The following GSG1L variants were observed in gnomAD, a reference collection of about 807,000 sequenced individuals.
GSG1L encodes the protein germ cell-specific gene 1-like protein.
GSG1L carries 24 observed loss-of-function variants against 42.1 expected under a neutral mutation model. The observed-to-expected ratio is 0.57, with a 90% CI of 0.41 to 0.80. The LOEUF is 0.80. Among genes scored for constraint, GSG1L ranks in the 30% least tolerant of loss-of-function variants. GSG1L has a pLI of 0.00. For synonymous variants in GSG1L, 215 were observed against 203.5 expected (o/e 1.06, Z -0.48); for missense variants, 445 against 472.2 (o/e 0.94, Z 0.53).
At chr16:27,890,928 C>T (rs939307836) in intron 2 of GSG1L, among the ~76,000 whole-genome samples, 2 of 152,118 alleles carry the variant, frequency 1.3e-5, no homozygotes, top group South Asian at 2.1e-4. Context: ...TGTGGAAGTG[C>T]GGCAGACACA....
chr16:27,897,391 TG>T (rs1257285749), intron 2 of GSG1L, among the ~76,000 whole-genome samples: 2 of 152,164 alleles, frequency 1.3e-5, no homozygotes, highest in Non-Finnish European at 2.9e-5. Context: ...CTCCAACTCC[TG>T]GGCTCAAGTG....
At chr16:27,905,279 C>A (rs552679513) in intron 2 of GSG1L, among the ~76,000 whole-genome samples, 1 of 152,048 alleles carries the variant, frequency 6.6e-6, no homozygotes, top group South Asian at 2.1e-4. Context: ...CTTGGCTGGA[C>A]CACACAAAGG....
At chr16:28,043,130 GTTTC>G (rs1458068128) in intron 1 of GSG1L, among the ~76,000 whole-genome samples, 2 of 152,164 alleles carry the variant, frequency 1.3e-5, no homozygotes, top group South Asian at 2.1e-4. Flanking sequence ...CAGAGAGAAT[GTTTC>G]TTTCTTTTCT....
intron 3 of GSG1L, among the ~76,000 whole-genome samples, chr16:27,873,135 C>T (rs2083843410): frequency 1.3e-5 from 2 of 152,204 alleles, no homozygotes; most frequent in South Asian, 2.1e-4. Context: ...TCTCAGCACA[C>T]AGTAGGTGCT....
chr16:28,008,245 A>G (rs1361276634), intron 1 of GSG1L, among the ~76,000 whole-genome samples: 2 of 152,026 alleles, frequency 1.3e-5, no homozygotes, highest in African/African-American at 2.4e-5. Flanking sequence ...ACACACGGCT[A>G]ATTTTTGTAT....
At position 27,895,949 on chromosome 16, in the gene GSG1L, C is replaced by T. The variant is rs532117843; in HGVS notation, c.398-11311G>A. On this transcript the variant is annotated intron_variant, in intron 2 of 6. Coordinates refer to ENST00000447459, the MANE Select transcript of GSG1L (RefSeq NM_001109763.2). ...AGATGACTGTTTTCTGCATAACCAT[C>T]TTGTCTAGAGTCTCAATCCTCAAAG... Among the ~76,000 whole-genome samples, 2 of 152,330 alleles carry T rather than the reference C, an allele frequency of 1.3e-5. 1 individual carries two copies. The highest frequency in any genetic ancestry group is 4.2e-4 in the South Asian group (2 of 4,818).
intron 1 of GSG1L, among the ~76,000 whole-genome samples, chr16:27,964,022 T>C (rs1166340743): frequency 1.3e-5 from 2 of 152,118 alleles, no homozygotes; most frequent in African/African-American, 2.4e-5. Context: ...TGCTTTATAC[T>C]TTTTTTAATG....
intron 2 of GSG1L, among the ~76,000 whole-genome samples, chr16:27,905,319 CTTTTTTT>C (rs539377057): frequency 1.5e-5 from 2 of 132,612 alleles, no homozygotes; most frequent in South Asian, 2.6e-4. Context: ...ATGCCAGAAT[CTTTTTTT>C]TTTTTTTTTT....
chr16:27,809,276 G>C (rs1325549178), intron 5 of GSG1L, among the ~76,000 whole-genome samples: 1 of 152,112 alleles, frequency 6.6e-6, no homozygotes, highest in Non-Finnish European at 1.5e-5. Context: ...GGTGGTGTGT[G>C]CTTCTAGTCC....
At chr16:27,964,503 T>A (rs933546128) in intron 1 of GSG1L, among the ~76,000 whole-genome samples, 2 of 152,224 alleles carry the variant, frequency 1.3e-5, no homozygotes, top group African/African-American at 2.4e-5. Flanking sequence ...AGCAGCACTA[T>A]CCAAGATTTG....
At chr16:27,891,293 A>T (rs1209906060) in intron 2 of GSG1L, among the ~76,000 whole-genome samples, 1 of 152,088 alleles carries the variant, frequency 6.6e-6, no homozygotes, top group Non-Finnish European at 1.5e-5. Flanking sequence ...CTTTTCCCTG[A>T]TTTTTAGCAT....
intron 2 of GSG1L, among the ~76,000 whole-genome samples, chr16:27,897,454 G>A (rs896557869): frequency 3.3e-5 from 5 of 152,012 alleles, no homozygotes; most frequent in Non-Finnish European, 7.4e-5. Context: ...ACGTTCTATT[G>A]TGTCTGGGTA....
intron 1 of GSG1L, among the ~76,000 whole-genome samples, chr16:28,006,764 A>G (rs2085644450): frequency 6.6e-6 from 1 of 152,168 alleles, no homozygotes; most frequent in South Asian, 2.1e-4. Flanking sequence ...TGCCAGGCAA[A>G]TGGGAGTGGG....
chr16:27,900,106 G>A (rs558386383), intron 2 of GSG1L, among the ~76,000 whole-genome samples: 2 of 152,260 alleles, frequency 1.3e-5, no homozygotes, highest in South Asian at 4.2e-4. Flanking sequence ...CTGAAAAACA[G>A]CAGTGACTGC....
At chr16:27,853,369 C>T (rs539325907) in intron 3 of GSG1L, among the ~76,000 whole-genome samples, 3 of 152,306 alleles carry the variant, frequency 2.0e-5, no homozygotes, top group Middle Eastern at 3.4e-3. Context: ...CTTGAGAACC[C>T]GAAGCCTCTC....
At chr16:27,906,722 C>T (rs1438194925) in intron 2 of GSG1L, among the ~76,000 whole-genome samples, 1 of 152,186 alleles carries the variant, frequency 6.6e-6, no homozygotes, top group Non-Finnish European at 1.5e-5. Context: ...CCCCTGGCCA[C>T]GCCCCATTCT....
chr16:27,989,004 G>A (rs765679083), intron 1 of GSG1L, among the ~76,000 whole-genome samples: 78 of 142,258 alleles, frequency 5.5e-4, no homozygotes, highest in Non-Finnish European at 9.6e-4. Context: ...AGTGAGCCGA[G>A]ATTGTGCTGC....
chr16:28,031,303 GATGAGATGGA>G (rs202042436), intron 1 of GSG1L, among the ~76,000 whole-genome samples: 1 of 142,350 alleles, frequency 7.0e-6, no homozygotes, highest in Non-Finnish European at 1.5e-5. Flanking sequence ...AATGGGATGG[GATGAGATGGA>G]ATGGGATGGG....
At chr16:27,888,767 A>G (rs12932864) in intron 2 of GSG1L, among the ~76,000 whole-genome samples, 90,879 of 150,812 alleles carry the variant, frequency 0.6, 27,968 homozygotes, top group Admixed American at 0.73. Flanking sequence ...GCAGGCACCC[A>G]CCACCATGCC....
Sources: allele counts gnomAD v4.1 joint callset (sites outside exome capture counted in the v4.1 genomes callset), GRCh38; gene constraint gnomAD v4.1.1; transcripts MANE v1.5; gene names NCBI Gene and HGNC (gene_info 2026-07-23, HGNC 2026-07-21).